MBOAT1: variants seen among roughly 807,000 people sequenced by gnomAD.
The protein encoded by MBOAT1 is membrane-bound glycerophospholipid O-acyltransferase 1.
Under a neutral mutation model 64.4 loss-of-function variants are expected in MBOAT1, and 67 were observed. The ratio of observed to expected loss-of-function variants is 1.04; its 90% CI spans 0.85 to 1.27. MBOAT1 has a LOEUF of 1.27. Ranked by LOEUF, MBOAT1 falls within the 50% of genes most tolerant of loss-of-function variation. MBOAT1 has a pLI of 0.00. For missense variants in MBOAT1, 563 were observed against 604.6 expected (o/e 0.93, Z 0.72); for synonymous variants, 229 against 218.9 (o/e 1.05, Z -0.41).
At chr6:20,207,378 C>T (rs1374238822) in intron 1 of MBOAT1, among the ~76,000 whole-genome samples, 4 of 152,162 alleles carry the variant, frequency 2.6e-5, no homozygotes, top group Non-Finnish European at 5.9e-5. Flanking sequence ...AAGAATCACT[C>T]GGGAAGTACC....
At chr6:20,148,814 G>A (rs1409679612) in intron 3 of MBOAT1, among the ~76,000 whole-genome samples, 2 of 151,980 alleles carry the variant, frequency 1.3e-5, no homozygotes, top group Non-Finnish European at 1.5e-5. Flanking sequence ...AAACCAAGAG[G>A]GGCATCAGCC....
At chr6:20,146,764 C>T (rs934497703) in intron 3 of MBOAT1, among the ~76,000 whole-genome samples, 5 of 152,160 alleles carry the variant, frequency 3.3e-5, no homozygotes, top group Admixed American at 2.6e-4. Flanking sequence ...AGTAGGACCC[C>T]GCCTGCCCAG....
intron 1 of MBOAT1, among the ~76,000 whole-genome samples, chr6:20,159,822 G>T (rs1761798514): frequency 6.6e-6 from 1 of 152,152 alleles, no homozygotes; most frequent in East Asian, 1.9e-4. Flanking sequence ...TATGTATCAT[G>T]ATGTTCCTTA....
At chr6:20,105,155 C>A (rs1488092268) in intron 12 of MBOAT1, among the ~76,000 whole-genome samples, 1 of 152,178 alleles carries the variant, frequency 6.6e-6, no homozygotes, top group Non-Finnish European at 1.5e-5. Flanking sequence ...ATATGCACAT[C>A]CAAAATATGT....
At chr6:20,147,100 GCCATGTAAGACATGCCTTTTGCCTTCCA>G (rs1267857980) in intron 3 of MBOAT1, among the ~76,000 whole-genome samples, 1 of 152,184 alleles carries the variant, frequency 6.6e-6, no homozygotes, top group African/African-American at 2.4e-5. Context: ...CTTGCCTGCT[GCCATGTAAGACATGCCTTTTGCCTTCCA>G]CCATGATTGT....
intron 12 of MBOAT1, among the ~76,000 whole-genome samples, chr6:20,103,731 T>C (rs1210780434): frequency 2.0e-5 from 3 of 152,182 alleles, no homozygotes; most frequent in African/African-American, 4.8e-5. Flanking sequence ...CCGGCCACCA[T>C]GTTTGTTTTA....
intron 9 of MBOAT1, among the ~76,000 whole-genome samples, chr6:20,117,032 A>C (rs1760342213): frequency 6.6e-6 from 1 of 152,242 alleles, no homozygotes; most frequent in South Asian, 2.1e-4. Context: ...GATCATGTAT[A>C]CTGTTTTTCC....
intron 1 of MBOAT1, among the ~76,000 whole-genome samples, chr6:20,161,675 C>T (rs949515024): frequency 2.0e-5 from 3 of 152,176 alleles, no homozygotes; most frequent in African/African-American, 4.8e-5. Flanking sequence ...AAGAACAAAA[C>T]GGTTAAGTGC....
intron 12 of MBOAT1, among the ~76,000 whole-genome samples, chr6:20,107,089 T>C (rs1376859902): frequency 6.6e-6 from 1 of 152,206 alleles, no homozygotes; most frequent in African/African-American, 2.4e-5. Flanking sequence ...ACTCCACTAC[T>C]GATATTGCTA....
rs1017362661 is a variant in MBOAT1 at position 20,212,353 on chromosome 6, G to C, written c.-119C>G. On this transcript the variant is annotated 5_prime_UTR_variant, in exon 1 of 13. Transcript: ENST00000324607. Reference sequence around the variant, plus strand: ...AGAGGCGCACGGCCGCCTGGTTCGCGGGGGAGCGAACGGGAGGCCGGGGAA... The same window carrying C: ...AGAGGCGCACGGCCGCCTGGTTCGCCGGGGAGCGAACGGGAGGCCGGGGAA... 2 of 880,668 alleles carry C rather than the reference G, an allele frequency of 2.3e-6. No homozygotes were observed. The highest frequency in any genetic ancestry group is 1.7e-5 in the African/African-American group (1 of 58,486). The allele number at this position is 880,668 out of a possible 1,614,324, so 54.6% of individuals were successfully genotyped here.
chr6:20,187,286 C>A (rs1361350147), intron 1 of MBOAT1, among the ~76,000 whole-genome samples: 2 of 152,202 alleles, frequency 1.3e-5, no homozygotes, highest in African/African-American at 2.4e-5. Context: ...GGCAAGGAAT[C>A]TAATCTCGAG....
chr6:20,158,447 G>A (rs1278276683), intron 1 of MBOAT1, among the ~76,000 whole-genome samples: 3 of 152,214 alleles, frequency 2.0e-5, no homozygotes, highest in African/African-American at 4.8e-5. Flanking sequence ...AGGCTGAAAT[G>A]TAAGACCTGA....
intron 1 of MBOAT1, among the ~76,000 whole-genome samples, chr6:20,187,740 T>C (rs1030986092): frequency 3.9e-5 from 6 of 152,240 alleles, no homozygotes; most frequent in Non-Finnish European, 7.4e-5. Context: ...ACCTGTAATA[T>C]CAGCACTTTG....
At chr6:20,211,803 G>A (rs1237173871) in intron 1 of MBOAT1, among the ~76,000 whole-genome samples, 2 of 152,068 alleles carry the variant, frequency 1.3e-5, no homozygotes, top group Non-Finnish European at 2.9e-5. Flanking sequence ...ACTGATGAAA[G>A]AAACACTGGT....
intron 1 of MBOAT1, among the ~76,000 whole-genome samples, chr6:20,178,366 C>A (rs911827175): frequency 6.6e-6 from 1 of 152,012 alleles, no homozygotes; most frequent in African/African-American, 2.4e-5. Flanking sequence ...CAGAGGGGCA[C>A]TCAGGAAAGT....
intron 4 of MBOAT1, among the ~76,000 whole-genome samples, chr6:20,136,895 A>C (rs1761011183): frequency 6.6e-6 from 1 of 152,232 alleles, no homozygotes; most frequent in Admixed American, 6.5e-5. Context: ...TGTCCACATT[A>C]AAAAGAAAAA....
intron 1 of MBOAT1, among the ~76,000 whole-genome samples, chr6:20,175,754 G>A (rs1466442669): frequency 1.3e-5 from 2 of 151,530 alleles, no homozygotes; most frequent in Admixed American, 6.6e-5. Flanking sequence ...TTACAGGCAT[G>A]AGCCACTGCA....
intron 1 of MBOAT1, among the ~76,000 whole-genome samples, chr6:20,203,603 CA>C (rs1763180930): frequency 6.6e-6 from 1 of 152,102 alleles, no homozygotes; most frequent in Non-Finnish European, 1.5e-5. Flanking sequence ...ATTCAACAAA[CA>C]TGTATTTAGT....
chr6:20,178,252 A>G (rs1408289028), intron 1 of MBOAT1, among the ~76,000 whole-genome samples: 1 of 151,900 alleles, frequency 6.6e-6, no homozygotes, highest in East Asian at 1.9e-4. Context: ...TTTCTGTTTT[A>G]CATTTAAATT....
Sources: allele counts gnomAD v4.1 joint callset (sites outside exome capture counted in the v4.1 genomes callset), GRCh38; gene constraint gnomAD v4.1.1; transcripts MANE v1.5; gene names NCBI Gene and HGNC (gene_info 2026-07-23, HGNC 2026-07-21).